The following SDK1 variants were observed in gnomAD, a reference collection of about 807,000 sequenced individuals.
The protein encoded by SDK1 is sidekick cell adhesion molecule 1.
In SDK1, 157 loss-of-function variants were observed where a neutral mutation model predicts 245.5. The ratio of observed to expected loss-of-function variants is 0.64; its 90% CI spans 0.56 to 0.73. SDK1 has a LOEUF of 0.73. Ranked by LOEUF, SDK1 falls within the 30% of genes least tolerant of loss-of-function variation. The pLI, the probability that SDK1 is intolerant of heterozygous loss-of-function variation, is 0.00. For missense variants in SDK1, 3,583 were observed against 3,002.3 expected, an observed-to-expected ratio of 1.19 and a Z score of -4.52; for synonymous variants, 1,647 against 1,278.5, an observed-to-expected ratio of 1.29 and a Z score of -6.15.
At chr7:3,626,011 A>T (rs1412150376) in intron 2 of SDK1, among the ~76,000 whole-genome samples, 2 of 147,092 alleles carry the variant, frequency 1.4e-5, no homozygotes, top group African/African-American at 5.1e-5. Flanking sequence ...TAGTGTAATC[A>T]TAGCTCATTG....
intron 22 of SDK1, among the ~76,000 whole-genome samples, chr7:4,095,556 A>G (rs1782097188): frequency 6.6e-6 from 1 of 151,822 alleles, no homozygotes; most frequent in East Asian, 1.9e-4. Flanking sequence ...TTATTTATTT[A>G]TTTTTAATTT....
chr7:3,329,326 A>G (rs1167677220), intron 1 of SDK1, among the ~76,000 whole-genome samples: 1 of 152,160 alleles, frequency 6.6e-6, no homozygotes, highest in Non-Finnish European at 1.5e-5. Context: ...TTGGGAGGAA[A>G]CAAGCTCCTT....
At chr7:3,329,215 T>G (rs1375411819) in intron 1 of SDK1, among the ~76,000 whole-genome samples, 3 of 152,146 alleles carry the variant, frequency 2.0e-5, no homozygotes, top group Non-Finnish European at 4.4e-5. Context: ...TGGTACTCAT[T>G]TAAGCTCCCA....
chr7:3,626,841 T>G (rs1262592056), intron 2 of SDK1, among the ~76,000 whole-genome samples: 1 of 152,164 alleles, frequency 6.6e-6, no homozygotes, highest in Non-Finnish European at 1.5e-5. Context: ...AACTCAGATC[T>G]GTAATCCAAA....
chr7:4,060,802 T>C (rs1037643660), intron 19 of SDK1, among the ~76,000 whole-genome samples: 4 of 152,208 alleles, frequency 2.6e-5, no homozygotes, highest in Non-Finnish European at 5.9e-5. Context: ...TTAATCCATC[T>C]TGAATTGATT....
chr7:3,675,203 G>A (rs1054002915), intron 4 of SDK1, among the ~76,000 whole-genome samples: 1 of 152,116 alleles, frequency 6.6e-6, no homozygotes, highest in Non-Finnish European at 1.5e-5. Flanking sequence ...AAATGGTTCA[G>A]GCCAAAACCT....
chr7:4,062,325 C>G (rs969849821), intron 19 of SDK1, among the ~76,000 whole-genome samples: 1 of 152,016 alleles, frequency 6.6e-6, no homozygotes, highest in African/African-American at 2.4e-5. Context: ...GAGACTCTTA[C>G]TAACAACTAT....
intron 44 of SDK1, among the ~76,000 whole-genome samples, chr7:4,246,778 C>T (rs960528066): frequency 2.6e-5 from 4 of 152,124 alleles, no homozygotes; most frequent in African/African-American, 9.7e-5. Flanking sequence ...AGCCTCCACG[C>T]GCTCCCTCCA....
At chr7:3,853,547 C>A (rs1300790114) in intron 5 of SDK1, among the ~76,000 whole-genome samples, 1 of 152,022 alleles carries the variant, frequency 6.6e-6, no homozygotes, top group Non-Finnish European at 1.5e-5. Context: ...ATTCTTGGGA[C>A]CAGAAGTGTT....
At chr7:3,304,707 T>A (rs972247826) in intron 1 of SDK1, among the ~76,000 whole-genome samples, 1 of 152,214 alleles carries the variant, frequency 6.6e-6, no homozygotes, top group African/African-American at 2.4e-5. Context: ...GTGATTATAA[T>A]ACACATTGGA....
At chr7:3,572,165 G>C (rs1246794783) in intron 1 of SDK1, among the ~76,000 whole-genome samples, 1 of 152,006 alleles carries the variant, frequency 6.6e-6, no homozygotes, top group Non-Finnish European at 1.5e-5. Flanking sequence ...AAGTACTGTG[G>C]GTGATAGAAC....
At chr7:3,591,807 C>G (rs886794177) in intron 1 of SDK1, among the ~76,000 whole-genome samples, 1 of 152,160 alleles carries the variant, frequency 6.6e-6, no homozygotes, top group Non-Finnish European at 1.5e-5. Flanking sequence ...AAAGTACTTG[C>G]AAAATTTATC....
At chr7:3,399,807 C>G (rs1778834586) in intron 1 of SDK1, among the ~76,000 whole-genome samples, 2 of 152,174 alleles carry the variant, frequency 1.3e-5, no homozygotes, top group South Asian at 4.1e-4. Context: ...TGGCCCGGTA[C>G]ATGTGTGTGG....
intron 2 of SDK1, among the ~76,000 whole-genome samples, chr7:3,621,058 G>C (rs899605440): frequency 1.3e-5 from 2 of 152,142 alleles, no homozygotes; most frequent in Non-Finnish European, 2.9e-5. Flanking sequence ...TAAGTGAAAA[G>C]AGAGTGACGT....
chr7:4,180,713 G>T (rs1782556240), intron 35 of SDK1, among the ~76,000 whole-genome samples: 1 of 152,238 alleles, frequency 6.6e-6, no homozygotes, highest in African/African-American at 2.4e-5. Flanking sequence ...GCCTCAGGAA[G>T]CTTCCAATCA....
chr7:3,851,072 G>T (rs1780408445), intron 5 of SDK1, among the ~76,000 whole-genome samples: 1 of 151,964 alleles, frequency 6.6e-6, no homozygotes, highest in African/African-American at 2.4e-5. Context: ...CAAACCTGAT[G>T]GTGCAACTAA....
At chr7:4,208,041 C>G in intron 36 of SDK1, 58 bp from the exon 37 acceptor site, 1 of 1,329,976 alleles carries the variant, frequency 7.5e-7, no homozygotes, top group Non-Finnish European at 1.1e-6. Context: ...ACTCAGTGGC[C>G]CCCGCTTACT....
At chr7:3,361,962 C>G (rs1583744568) in intron 1 of SDK1, among the ~76,000 whole-genome samples, 2 of 152,152 alleles carry the variant, frequency 1.3e-5, no homozygotes, top group Admixed American at 6.5e-5. Context: ...CTCATTTTCT[C>G]CACATTGAGT....
Position 3,756,554 on chromosome 7 carries a change from C to CTT in SDK1, c.714-64885_714-64884dup, listed in dbSNP as rs112611055. Among the ~76,000 whole-genome samples the CTT allele has an allele frequency of 1.3e-3, 196 of 145,448 alleles. 1 individual carries two copies. The highest frequency in any genetic ancestry group is 4.8e-3 in the African/African-American group (191 of 39,942). The stretch of plus-strand genomic sequence containing the variant: ...TGTCAATAGCATCACTAGTTTATTC[C>CTT]TTTTTTTTTTTTAAAGAAAATGCTC... On this transcript the variant is annotated intron_variant, in intron 4 of 44. Transcript: ENST00000404826.
Sources: allele counts gnomAD v4.1 joint callset (sites outside exome capture counted in the v4.1 genomes callset), GRCh38; gene constraint gnomAD v4.1.1; transcripts MANE v1.5; gene names NCBI Gene and HGNC (gene_info 2026-07-23, HGNC 2026-07-21).